The following PLCH1 variants were observed in gnomAD, a reference collection of about 807,000 sequenced individuals.
PLCH1 encodes the protein 1-phosphatidylinositol 4,5-bisphosphate phosphodiesterase eta-1.
Under a neutral mutation model 126.7 loss-of-function variants are expected in PLCH1, and 60 were observed. That is an observed-to-expected ratio of 0.47 (90% CI 0.38 to 0.59). The LOEUF (loss-of-function observed/expected upper bound fraction) is 0.59, where lower values mean the gene tolerates loss of function less well. Among genes scored for constraint, PLCH1 ranks in the 20% least tolerant of loss-of-function variants. PLCH1 has a pLI of 0.00. For missense variants in PLCH1, 1,723 were observed against 2,040.0 expected, an observed-to-expected ratio of 0.84 and a Z score of 2.99; for synonymous variants, 719 against 734.9, an observed-to-expected ratio of 0.98 and a Z score of 0.35.
chr3:155,469,427 G>C (rs1390693681), intron 21 of PLCH1, among the ~76,000 whole-genome samples: 2 of 152,084 alleles, frequency 1.3e-5, no homozygotes, highest in African/African-American at 4.8e-5. Context: ...AGGGTCCTAC[G>C]CCCATGGAGT....
chr3:155,620,858 C>T (rs771173056), intron 2 of PLCH1, among the ~76,000 whole-genome samples: 2 of 152,198 alleles, frequency 1.3e-5, no homozygotes, highest in Non-Finnish European at 2.9e-5. Flanking sequence ...AACGTCCCTA[C>T]CTGACAGCCC....
At chr3:155,612,531 C>A (rs1226654474) in intron 2 of PLCH1, among the ~76,000 whole-genome samples, 2 of 107,788 alleles carry the variant, frequency 1.9e-5, no homozygotes, top group Admixed American at 1.8e-4. Flanking sequence ...AACTAACAAA[C>A]AACAAAAAAA....
In PLCH1 at chr3:155,562,954, A is replaced by G. The variant is rs73874841; in HGVS notation, c.1069+1961T>C. Among the ~76,000 whole-genome samples, 1,009 of 152,186 alleles carry G rather than the reference A, an allele frequency of 6.6e-3. 12 individuals carry two copies. The highest frequency in any genetic ancestry group is 0.023 in the African/African-American group (956 of 41,526). On this transcript the variant is annotated intron_variant, in intron 8 of 22. Transcript: ENST00000460012. ...CCAACTGCCCACTAACATATCACCAACCTACATAGCAAAGGCCACCAACAA... is the reference window on the plus strand; with the variant it reads ...CCAACTGCCCACTAACATATCACCAGCCTACATAGCAAAGGCCACCAACAA...
At chr3:155,619,626 T>C (rs557555936) in intron 2 of PLCH1, among the ~76,000 whole-genome samples, 1 of 151,292 alleles carries the variant, frequency 6.6e-6, no homozygotes, top group Non-Finnish European at 1.5e-5. Flanking sequence ...AAACAGAAAA[T>C]GGAAGAAGAG....
intron 6 of PLCH1, among the ~76,000 whole-genome samples, chr3:155,570,385 C>T (rs1183160385): frequency 6.6e-6 from 1 of 152,138 alleles, no homozygotes; most frequent in Non-Finnish European, 1.5e-5. Flanking sequence ...TACTCTAACC[C>T]TGTTTCCTAT....
At chr3:155,581,501 T>G (rs1040092634) in intron 6 of PLCH1, among the ~76,000 whole-genome samples, 9 of 152,192 alleles carry the variant, frequency 5.9e-5, no homozygotes, top group Non-Finnish European at 1.3e-4. Context: ...TGCTACAACA[T>G]GAATGAATCT....
intron 1 of PLCH1, among the ~76,000 whole-genome samples, chr3:155,741,687 T>TTA (rs1380144671): frequency 2.1e-5 from 3 of 140,604 alleles, no homozygotes; most frequent in African/African-American, 8.3e-5. Context: ...ATATCCTCTT[T>TTA]TTTTTTTTTT....
chr3:155,461,385 T>G (rs1304337281), intron 21 of PLCH1, among the ~76,000 whole-genome samples: 2 of 152,158 alleles, frequency 1.3e-5, no homozygotes, highest in African/African-American at 4.8e-5. Flanking sequence ...TGGTCCACCA[T>G]GTAACTGCAG....
chr3:155,649,122 G>C (rs1313235935), intron 2 of PLCH1, among the ~76,000 whole-genome samples: 1 of 152,052 alleles, frequency 6.6e-6, no homozygotes, highest in Non-Finnish European at 1.5e-5. Context: ...GGGCTCAGAG[G>C]GCAATTCGAG....
At chr3:155,742,224 TAAATTAAGTA>T (rs1462633612) in intron 1 of PLCH1, 1 of 152,238 alleles carries the variant, frequency 6.6e-6, no homozygotes, top group Non-Finnish European at 1.5e-5. Context: ...ACTAAGTGAA[TAAATTAAGTA>T]AAAAACATTT....
At chr3:155,549,521 A>G (rs952347819) in intron 10 of PLCH1, among the ~76,000 whole-genome samples, 9 of 152,192 alleles carry the variant, frequency 5.9e-5, no homozygotes, top group Non-Finnish European at 1.3e-4. Context: ...GAACTATTAC[A>G]GACTAAAATA....
intron 2 of PLCH1, chr3:155,658,101 C>G (rs544353893): frequency 4.6e-6 from 1 of 216,876 alleles, no homozygotes; most frequent in South Asian, 8.5e-5. Context: ...TTAAACTCTG[C>G]AAAATGCATA....
At chr3:155,735,002 C>T (rs1749067846) in intron 1 of PLCH1, among the ~76,000 whole-genome samples, 1 of 152,082 alleles carries the variant, frequency 6.6e-6, no homozygotes, top group South Asian at 2.1e-4. Context: ...AGCCACCGCG[C>T]CCAGCCTATA....
chr3:155,687,622 A>C (rs1745052262), intron 2 of PLCH1, among the ~76,000 whole-genome samples: 2 of 152,192 alleles, frequency 1.3e-5, no homozygotes, highest in Non-Finnish European at 2.9e-5. Flanking sequence ...TAAGAGACCT[A>C]TGAGAATATT....
At position 155,657,055 on chromosome 3, in the gene PLCH1, T is replaced by TAA. The variant is rs1167390418; in HGVS notation, c.79+47089_79+47090dup. On this transcript the variant is annotated intron_variant, in intron 2 of 22. Coordinates refer to ENST00000460012, the MANE Select transcript of PLCH1 (RefSeq NM_014996.4). ...ATATGAGTAACAACAAGGACAAGTT[T>TAA]AAAAAAAAAAAAAAAAAGTTTCTGC... is the stretch of plus-strand genomic sequence containing the variant. Among the ~76,000 whole-genome samples, 442 of 127,558 alleles carry TAA rather than the reference T, an allele frequency of 3.5e-3. 3 individuals are homozygous for TAA. Among genetic ancestry groups the TAA allele is most frequent in the African/African-American group, 0.011 (407 of 35,474 alleles). 83.7% of individuals were successfully genotyped at this position (127,558 alleles called of 152,430 possible). A position where few individuals can be genotyped will look rare whatever the true frequency, so the allele number is the denominator to read the frequency against.
Position 155,592,174 on chromosome 3 carries a change from T to A in PLCH1, c.470+1767A>T, listed in dbSNP as rs1324144591. Among the ~76,000 whole-genome samples the A allele has an allele frequency of 2.3e-3, 304 of 129,378 alleles. 5 individuals are homozygous for A. The highest frequency in any genetic ancestry group is 6.8e-3 in the African/African-American group (235 of 34,506). The allele number at this position is 129,378 out of a possible 152,430, so 84.9% of individuals were successfully genotyped here. A position where few individuals can be genotyped will look rare whatever the true frequency, so the allele number is the denominator to read the frequency against. ...TCTGGGAAGTTTTTCTTTTCTCTTT[T>A]AAAAAAAAAAAAAAAAAAAAAGATT... is the stretch of plus-strand genomic sequence containing the variant. On this transcript the variant is annotated intron_variant, in intron 4 of 22. Coordinates refer to ENST00000460012, the MANE Select transcript of PLCH1 (RefSeq NM_014996.4).
chr3:155,512,243 A>G (rs568414905), intron 12 of PLCH1, among the ~76,000 whole-genome samples: 1 of 152,134 alleles, frequency 6.6e-6, no homozygotes, highest in Non-Finnish European at 1.5e-5. Context: ...ATATCTACAA[A>G]TACCTATCAC....
chr3:155,716,563 G>T (rs1747524306), intron 1 of PLCH1, among the ~76,000 whole-genome samples: 1 of 152,126 alleles, frequency 6.6e-6, no homozygotes, highest in Non-Finnish European at 1.5e-5. Context: ...ATCTGACATG[G>T]CAGGAGCAGG....
At chr3:155,485,784 C>A in intron 21 of PLCH1, 74 bp from the exon 22 acceptor site, 1 of 909,180 alleles carries the variant, frequency 1.1e-6, no homozygotes. Context: ...AAAATGACAG[C>A]TCCATGAAAA....
Sources: gnomAD v4.1 joint callset for allele counts (sites outside exome capture counted in the v4.1 genomes callset) on GRCh38, gnomAD v4.1.1 for gene constraint, MANE v1.5 for transcripts, NCBI Gene and HGNC (gene_info 2026-07-23, HGNC 2026-07-21) for gene names.